The following MRPS6 variants were observed in gnomAD, a reference collection of about 807,000 sequenced individuals.
The protein encoded by MRPS6 is mitochondrial ribosomal protein S6.
Under a neutral mutation model 13.1 loss-of-function variants are expected in MRPS6, and 6 were observed. The ratio of observed to expected loss-of-function variants is 0.46; its 90% confidence interval spans 0.25 to 0.91. The LOEUF is 0.91. Ranked by LOEUF, MRPS6 falls within the 40% of genes least tolerant of loss-of-function variation. MRPS6 has a pLI of 0.18. For missense variants in MRPS6, 164 were observed against 155.6 expected (o/e 1.05, Z -0.29); for synonymous variants, 61 against 56.5 (o/e 1.08, Z -0.36).
chr21:34,136,367 C>T (rs935273270), intron 2 of MRPS6, among the ~76,000 whole-genome samples: 8 of 152,106 alleles, frequency 5.3e-5, no homozygotes, highest in Non-Finnish European at 8.8e-5. Context: ...AGGATGGTCT[C>T]GAACTCCTGA....
chr21:34,085,848 C>T (rs748315129), intron 1 of MRPS6, among the ~76,000 whole-genome samples: 11 of 152,206 alleles, frequency 7.2e-5, no homozygotes, highest in South Asian at 6.2e-4. Flanking sequence ...GTGATTCACC[C>T]GCCTCGGCCT....
intron 1 of MRPS6, chr21:34,104,783 CT>C: frequency 1.0e-6 from 1 of 1,000,202 alleles, no homozygotes; most frequent in South Asian, 4.7e-5. Flanking sequence ...TAATGCAAAG[CT>C]GTTATAACCT....
chr21:34,113,898 C>G (rs1279098597), intron 1 of MRPS6, among the ~76,000 whole-genome samples: 1 of 152,178 alleles, frequency 6.6e-6, no homozygotes, highest in Non-Finnish European at 1.5e-5. Flanking sequence ...CACTCCAGTG[C>G]TGTCTCCCTT....
intron 2 of MRPS6, among the ~76,000 whole-genome samples, chr21:34,137,111 C>T (rs940192837): frequency 2.2e-4 from 34 of 152,128 alleles, no homozygotes; most frequent in African/African-American, 4.8e-4. Flanking sequence ...GGTGTTAGTC[C>T]TTCAACTTAC....
At chr21:34,080,794 T>C (rs1022828817) in intron 1 of MRPS6, among the ~76,000 whole-genome samples, 3 of 152,246 alleles carry the variant, frequency 2.0e-5, no homozygotes, top group Non-Finnish European at 4.4e-5. Context: ...CTAAGCTGCC[T>C]TGAGGGGTTA....
intron 1 of MRPS6, among the ~76,000 whole-genome samples, chr21:34,080,365 C>T (rs1640525646): frequency 6.6e-6 from 1 of 152,144 alleles, no homozygotes; most frequent in Admixed American, 6.5e-5. Context: ...CCTCATCTTT[C>T]AGTTTTTTTC....
Position 34,142,550 on chromosome 21 carries a change from C to G in MRPS6, c.328C>G (p.Pro110Ala). Residue 110 changes from proline (P) to alanine (A), a missense_variant, in exon 3 of 3, where the codon CCA becomes GCA. By Grantham distance (27) the Pro-to-Ala change is conservative. Coordinates refer to ENST00000399312, the MANE Select transcript of MRPS6 (RefSeq NM_032476.4). ...QELKECEGIV[P>A]VPLAEKLYST... is the part of the protein sequence containing the mutation. Reference sequence around the variant, plus strand: ...ACTAAAAGAATGTGAAGGGATTGTCCCAGTCCCACTCGCAGAAAAATTATA... The same window carrying G: ...ACTAAAAGAATGTGAAGGGATTGTCGCAGTCCCACTCGCAGAAAAATTATA... The G allele has an allele frequency of 6.2e-7, 1 of 1,610,372 alleles. No individual in the cohort carries two copies. The highest frequency in any genetic ancestry group is 1.3e-5 in the African/African-American group (1 of 74,838).
chr21:34,097,131 A>G (rs759022156), intron 1 of MRPS6: 7 of 1,614,056 alleles, frequency 4.3e-6, no homozygotes, highest in South Asian at 3.3e-5. Context: ...GAAAGAGAGA[A>G]AGAAAGAAAC....
chr21:34,138,983 T>C (rs1008146437), intron 2 of MRPS6, among the ~76,000 whole-genome samples: 2 of 151,510 alleles, frequency 1.3e-5, no homozygotes, highest in African/African-American at 4.9e-5. Flanking sequence ...GTGGCACATA[T>C]ACACCATGGA....
In MRPS6 at chr21:34,073,979, G is replaced by A. The variant is rs866072876; in HGVS notation, c.45+234G>A. ...GTGTGCCTGCGCGTGTGCGCGGTCC[G>A]GGAGGGTGTGCCTCGCAAGCGGCCC... On this transcript the variant is annotated intron_variant, in intron 1 of 2. Coordinates refer to ENST00000399312, the MANE Select transcript of MRPS6 (RefSeq NM_032476.4). 2.4e-3 allele frequency among the ~76,000 whole-genome samples: 355 copies of A among 146,334 alleles called. 1 individual carries two copies. Among genetic ancestry groups the A allele is most frequent in the African/African-American group, 7.7e-3 (314 of 40,866 alleles).
Position 34,089,549 on chromosome 21 carries a change from C to T in MRPS6, c.45+15804C>T, listed in dbSNP as rs76277412. ...CAGGTTAAAATGAATATATCTTGGG[C>T]GGAGTGTATATGGATGAAGTAAATC... On this transcript the variant is annotated intron_variant, in intron 1 of 2. Transcript: ENST00000399312. Among the ~76,000 whole-genome samples the T allele has an allele frequency of 7.7e-3, 1,166 of 152,034 alleles. 14 individuals carry two copies. The highest frequency in any genetic ancestry group is 0.027 in the African/African-American group (1,106 of 41,454).
At chr21:34,137,181 T>G (rs1030962937) in intron 2 of MRPS6, among the ~76,000 whole-genome samples, 1 of 152,210 alleles carries the variant, frequency 6.6e-6, no homozygotes, top group South Asian at 2.1e-4. Flanking sequence ...TAATCAATAT[T>G]CTAGGGTTTT....
At chr21:34,087,677 A>C (rs1978466429) in intron 1 of MRPS6, among the ~76,000 whole-genome samples, 1 of 152,252 alleles carries the variant, frequency 6.6e-6, no homozygotes, top group African/African-American at 2.4e-5. Context: ...TGTTGCCTGC[A>C]TAGGAAATAG....
intron 1 of MRPS6, among the ~76,000 whole-genome samples, chr21:34,083,998 A>G (rs1157559390): frequency 1.3e-5 from 2 of 152,156 alleles, no homozygotes; most frequent in African/African-American, 4.8e-5. Context: ...TGCAAGAGGA[A>G]AATCCAGCTG....
intron 1 of MRPS6, among the ~76,000 whole-genome samples, chr21:34,079,969 A>T (rs1350838660): frequency 6.6e-6 from 1 of 152,092 alleles, no homozygotes; most frequent in Non-Finnish European, 1.5e-5. Flanking sequence ...TCTGGGGCTG[A>T]ACAAATGCAG....
chr21:34,090,567 A>T (rs1241255488), intron 1 of MRPS6, among the ~76,000 whole-genome samples: 1 of 152,246 alleles, frequency 6.6e-6, no homozygotes, highest in African/African-American at 2.4e-5. Context: ...TAACTTGGGA[A>T]AATCCTAATA....
chr21:34,077,483 G>A (rs2148651522), intron 1 of MRPS6, among the ~76,000 whole-genome samples: 1 of 152,222 alleles, frequency 6.6e-6, no homozygotes, highest in African/African-American at 2.4e-5. Flanking sequence ...TGGCGTTCAG[G>A]AATTTTTACA....
At chr21:34,095,462 G>C in intron 1 of MRPS6, 1 of 1,614,094 alleles carries the variant, frequency 6.2e-7, no homozygotes, top group African/African-American at 1.3e-5. Flanking sequence ...ATGCCTTACT[G>C]CTTTTACAAC....
At chr21:34,131,779 C>G (rs1453046220) in intron 2 of MRPS6, among the ~76,000 whole-genome samples, 1 of 152,198 alleles carries the variant, frequency 6.6e-6, no homozygotes, top group Admixed American at 6.5e-5. Flanking sequence ...CAAAGCCCAG[C>G]AGTGAGTCAG....
Sources: allele counts gnomAD v4.1 joint callset (sites outside exome capture counted in the v4.1 genomes callset), GRCh38; gene constraint gnomAD v4.1.1; transcripts MANE v1.5; gene names NCBI Gene and HGNC (gene_info 2026-07-23, HGNC 2026-07-21).